ANKRD45: variants seen among roughly 807,000 people sequenced by gnomAD.
ANKRD45 encodes the protein ankyrin repeat domain 45, also known as ankyrin repeat domain-containing protein 45.
ANKRD45 carries 21 observed loss-of-function variants against 28.1 expected under a neutral mutation model. The observed-to-expected ratio is 0.75, with a 90% CI of 0.53 to 1.08. ANKRD45 has a LOEUF of 1.08. Ranked by LOEUF, ANKRD45 falls within the 50% of genes least tolerant of loss-of-function variation. ANKRD45 has a pLI of 0.00. For missense variants in ANKRD45, 261 were observed against 308.7 expected (o/e 0.85, Z 1.16); for synonymous variants, 86 against 103.9 (o/e 0.83, Z 1.05).
intron 3 of ANKRD45, among the ~76,000 whole-genome samples, chr1:173,644,106 A>G (rs1172401732): frequency 6.6e-6 from 1 of 152,218 alleles, no homozygotes; most frequent in Non-Finnish European, 1.5e-5. Flanking sequence ...AAACCCAGAG[A>G]AATTTATCTC....
intron 5 of ANKRD45, among the ~76,000 whole-genome samples, chr1:173,613,492 T>A (rs1667295244): frequency 7.1e-6 from 1 of 140,726 alleles, no homozygotes; most frequent in South Asian, 2.3e-4. Flanking sequence ...AGCCGCCCCG[T>A]CCGGGAGGGA....
chr1:173,652,032 C>T (rs1669250498), intron 2 of ANKRD45, among the ~76,000 whole-genome samples: 1 of 152,172 alleles, frequency 6.6e-6, no homozygotes, highest in Non-Finnish European at 1.5e-5. Context: ...ACAATCATGT[C>T]ATCTGCAAAC....
chr1:173,637,214 C>A, intron 3 of ANKRD45: 1 of 542,120 alleles, frequency 1.8e-6, no homozygotes, highest in South Asian at 2.3e-5. Flanking sequence ...AAAAAAGAAC[C>A]CGGACTTACT....
intron 5 of ANKRD45, among the ~76,000 whole-genome samples, chr1:173,614,315 C>T (rs1483538316): frequency 1.3e-5 from 2 of 151,950 alleles, no homozygotes; most frequent in Admixed American, 6.6e-5. Context: ...AGAGCTGAAC[C>T]TGTTTGTCCC....
At chr1:173,623,882 T>A (rs777845819) in intron 5 of ANKRD45, among the ~76,000 whole-genome samples, 1 of 143,762 alleles carries the variant, frequency 7.0e-6, no homozygotes, top group Non-Finnish European at 1.5e-5. Context: ...CACTGTATGT[T>A]CTCACTTGTA....
chr1:173,652,693 C>A (rs963578369), intron 2 of ANKRD45, among the ~76,000 whole-genome samples: 2 of 152,328 alleles, frequency 1.3e-5, no homozygotes, highest in Middle Eastern at 3.4e-3. Context: ...CCTTGTAACT[C>A]TGGTAGAATT....
chr1:173,650,618 G>A (rs189582219), intron 2 of ANKRD45, among the ~76,000 whole-genome samples: 148 of 152,308 alleles, frequency 9.7e-4, no homozygotes, highest in African/African-American at 3.1e-3. Context: ...TATATACCCA[G>A]TAATGGGATG....
At position 173,610,109 on chromosome 1, in the gene ANKRD45, A is replaced by C. The variant is rs756434604; in HGVS notation, c.*36T>G. 6.3e-7 allele frequency: 1 copy of C among 1,591,496 alleles called. No individual in the cohort carries two copies. On this transcript the variant is annotated 3_prime_UTR_variant, in exon 6 of 6. Transcript: ENST00000333279. ...GCATGAATAGGTTTGCCTTTCAGAT[A>C]CTAAAAGAAAATGTGGCCTTTTACA...
At chr1:173,689,315 AG>A in the ANKRD45 span, among the ~76,000 whole-genome samples, 1 of 152,176 alleles carries the variant, frequency 6.6e-6, no homozygotes, top group African/African-American at 2.4e-5. Flanking sequence ...GTCATTTAAA[AG>A]AGGGTTCGGA....
chr1:173,647,650 C>T (rs939386240), intron 2 of ANKRD45, among the ~76,000 whole-genome samples: 20 of 152,274 alleles, frequency 1.3e-4, no homozygotes, highest in African/African-American at 4.6e-4. Flanking sequence ...TTTGAACTTG[C>T]TCACAAGGAT....
At chr1:173,635,906 T>C in intron 3 of ANKRD45, 1 of 1,237,306 alleles carries the variant, frequency 8.1e-7, no homozygotes, top group Admixed American at 2.7e-5. Flanking sequence ...AACATAATAT[T>C]ACTAGTTTCT....
chr1:173,630,856 C>G (rs1029556978), intron 3 of ANKRD45, among the ~76,000 whole-genome samples: 3 of 112,020 alleles, frequency 2.7e-5, no homozygotes, highest in Non-Finnish European at 4.0e-5. Flanking sequence ...GAGAGAGAGA[C>G]ACAAAAAATA....
At chr1:173,692,754 G>C in the ANKRD45 span, among the ~76,000 whole-genome samples, 4 of 152,186 alleles carry the variant, frequency 2.6e-5, no homozygotes, top group Non-Finnish European at 4.4e-5. Flanking sequence ...TGAAAGTTAA[G>C]AAGTGGCAAA....
intron 3 of ANKRD45, among the ~76,000 whole-genome samples, chr1:173,633,906 A>G (rs1037298882): frequency 2.0e-5 from 3 of 152,106 alleles, no homozygotes; most frequent in African/African-American, 7.2e-5. Flanking sequence ...CATTTGGGAA[A>G]GTCTCCAGGA....
At chr1:173,659,833 A>T (rs2102389330) in intron 1 of ANKRD45, among the ~76,000 whole-genome samples, 1 of 152,324 alleles carries the variant, frequency 6.6e-6, no homozygotes, top group Non-Finnish European at 1.5e-5. Flanking sequence ...GATTATGATT[A>T]AAAATTAGGC....
chr1:173,624,538 T>C (rs1232478563), intron 5 of ANKRD45, among the ~76,000 whole-genome samples: 1 of 151,804 alleles, frequency 6.6e-6, no homozygotes, highest in African/African-American at 2.4e-5. Context: ...TCCCATAAAA[T>C]TTAATGACTG....
intron 1 of ANKRD45, among the ~76,000 whole-genome samples, chr1:173,666,508 T>C (rs903060384): frequency 9.9e-5 from 15 of 152,194 alleles, no homozygotes; most frequent in African/African-American, 3.6e-4. Context: ...CATCTTCCCA[T>C]ATATGTTAAA....
chr1:173,690,242 A>G, the ANKRD45 span, among the ~76,000 whole-genome samples: 20 of 152,218 alleles, frequency 1.3e-4, no homozygotes, highest in African/African-American at 4.8e-4. Flanking sequence ...CTGGTGGCAC[A>G]GTAATTCCCA....
chr1:173,621,063 A>T (rs1667681525), intron 5 of ANKRD45, among the ~76,000 whole-genome samples: 1 of 152,162 alleles, frequency 6.6e-6, no homozygotes, highest in South Asian at 2.1e-4. Context: ...AGAAGAAATG[A>T]ATAAATTCCT....
Sources: allele counts gnomAD v4.1 joint callset (sites outside exome capture counted in the v4.1 genomes callset), GRCh38; gene constraint gnomAD v4.1.1; transcripts MANE v1.5; gene names NCBI Gene and HGNC (gene_info 2026-07-23, HGNC 2026-07-21).